PAK5: variants seen among roughly 807,000 people sequenced by gnomAD.
PAK5 encodes p21 (RAC1) activated kinase 5.
Under a neutral mutation model 65.9 loss-of-function variants are expected in PAK5, and 16 were observed. That is an observed-to-expected ratio of 0.24 (90% CI 0.16 to 0.37). The LOEUF is 0.37. PAK5 is among the 10% of genes least tolerant of loss of function. The pLI is 1.00. For synonymous variants in PAK5, 371 were observed against 354.9 expected, an observed-to-expected ratio of 1.05 and a Z score of -0.51; for missense variants, 785 against 903.9, an observed-to-expected ratio of 0.87 and a Z score of 1.69.
At chr20:9,767,566 T>A (rs1247900117) in intron 1 of PAK5, among the ~76,000 whole-genome samples, 1 of 152,214 alleles carries the variant, frequency 6.6e-6, no homozygotes, top group African/African-American at 2.4e-5. Context: ...GCCTCTCTAG[T>A]ATCTAAAACT....
chr20:9,538,733 T>G lies in PAK5; in HGVS notation c.*729A>C. ...TGGCTCAAATTTTATTTCATTATTT[T>G]TGGTTGGATTAATGAAACGTGCACA... On this transcript the variant is annotated 3_prime_UTR_variant, in exon 10 of 10. Transcript: ENST00000353224. 1 of 233,466 alleles carries G rather than the reference T, an allele frequency of 4.3e-6. No individual in the cohort carries two copies. Among genetic ancestry groups the G allele is most frequent in the Non-Finnish European group, 8.5e-6 (1 of 117,936 alleles). 14.5% of individuals were successfully genotyped at this position (233,466 alleles called of 1,614,324 possible).
chr20:9,592,701 C>G (rs1035924260), intron 3 of PAK5, among the ~76,000 whole-genome samples: 3 of 152,138 alleles, frequency 2.0e-5, no homozygotes, highest in Non-Finnish European at 2.9e-5. Context: ...TGGGTGTTTG[C>G]CAGGCAGCTG....
At chr20:9,817,364 T>G (rs2049369162) in intron 1 of PAK5, among the ~76,000 whole-genome samples, 4 of 152,174 alleles carry the variant, frequency 2.6e-5, no homozygotes, top group Admixed American at 2.6e-4. Context: ...TGAGCACTAC[T>G]AAGTGCCTAC....
intron 4 of PAK5, among the ~76,000 whole-genome samples, chr20:9,573,913 C>A (rs538516162): frequency 3.0e-4 from 46 of 152,172 alleles, no homozygotes; most frequent in Non-Finnish European, 6.2e-4. Context: ...ACAAAGACTG[C>A]TCATCTCGAA....
intron 1 of PAK5, among the ~76,000 whole-genome samples, chr20:9,743,590 C>T (rs2048474698): frequency 6.6e-6 from 1 of 152,054 alleles, no homozygotes; most frequent in South Asian, 2.1e-4. Flanking sequence ...GGTGCAAGGC[C>T]CCTTCAGAAA....
intron 3 of PAK5, among the ~76,000 whole-genome samples, chr20:9,618,915 G>GC (rs2046715177): frequency 1.1e-4 from 2 of 18,816 alleles, no homozygotes; most frequent in East Asian, 2.3e-3. Context: ...TCTTTCTTTC[G>GC]TTTTTTTTTT....
intron 6 of PAK5, among the ~76,000 whole-genome samples, chr20:9,559,772 A>AG (rs1376747381): frequency 1.3e-5 from 2 of 152,182 alleles, no homozygotes; most frequent in Middle Eastern, 3.4e-3. Flanking sequence ...AAAAAAAAAA[A>AG]GAAAGCAAAA....
At chr20:9,592,475 T>C in intron 3 of PAK5, among the ~76,000 whole-genome samples, 1 of 152,364 alleles carries the variant, frequency 6.6e-6, no homozygotes, top group East Asian at 1.9e-4. Context: ...AAATGTTGTA[T>C]ATCTTGATCT....
rs560102365 is a variant in PAK5, at chr20:9,612,013, C to T, written c.205-31083G>A. On this transcript the variant is annotated intron_variant, in intron 3 of 9. Transcript: ENST00000353224. ...GGGAGCCGTCCTGAAAAACTCTGTT[C>T]TCCTCTTTGCAGGCAAAACAATGTC... is the stretch of plus-strand genomic sequence containing the variant. Among the ~76,000 whole-genome samples the T allele has an allele frequency of 3.3e-5, 5 of 152,288 alleles. No individual in the cohort carries two copies. The East Asian group carries it at 7.7e-4, about 23-fold the overall frequency.
intron 1 of PAK5, among the ~76,000 whole-genome samples, chr20:9,742,160 G>T (rs1739318180): frequency 6.6e-6 from 1 of 151,950 alleles, no homozygotes; most frequent in Non-Finnish European, 1.5e-5. Flanking sequence ...TTCAAATAAG[G>T]ATCCTCCCCC....
At chr20:9,738,729 G>A (rs2048418715) in intron 1 of PAK5, among the ~76,000 whole-genome samples, 1 of 152,160 alleles carries the variant, frequency 6.6e-6, no homozygotes, top group East Asian at 1.9e-4. Context: ...GAGTGATGGA[G>A]ATGTTTGCTA....
intron 3 of PAK5, among the ~76,000 whole-genome samples, chr20:9,640,514 A>G (rs2047041617): frequency 6.6e-6 from 1 of 152,180 alleles, no homozygotes; most frequent in Non-Finnish European, 1.5e-5. Context: ...TAGTGCCGCA[A>G]TAAACATACG....
chr20:9,720,121 CAG>C (rs2048197179), intron 1 of PAK5, among the ~76,000 whole-genome samples: 1 of 152,036 alleles, frequency 6.6e-6, no homozygotes, highest in Non-Finnish European at 1.5e-5. Flanking sequence ...GAGAGTTAGA[CAG>C]AGATAAATGT....
chr20:9,553,911 T>C (rs1345836541), intron 7 of PAK5, among the ~76,000 whole-genome samples: 2 of 152,134 alleles, frequency 1.3e-5, no homozygotes, highest in Non-Finnish European at 2.9e-5. Context: ...TTTTTAATTT[T>C]GAAAAAGAAC....
At chr20:9,800,520 G>T (rs2049157382) in intron 1 of PAK5, among the ~76,000 whole-genome samples, 1 of 152,008 alleles carries the variant, frequency 6.6e-6, no homozygotes, top group Non-Finnish European at 1.5e-5. Context: ...CTTACAGCAG[G>T]ACAAGTTTTG....
chr20:9,575,633 G>A (rs984423071), intron 4 of PAK5: 6 of 152,178 alleles, frequency 3.9e-5, no homozygotes, highest in African/African-American at 4.8e-5. Flanking sequence ...TGACATTAAG[G>A]AACTTCTCAA....
At chr20:9,766,008 G>C (rs1294587228) in intron 1 of PAK5, among the ~76,000 whole-genome samples, 1 of 152,028 alleles carries the variant, frequency 6.6e-6, no homozygotes, top group Non-Finnish European at 1.5e-5. Flanking sequence ...CAGATCACGA[G>C]GTCAAGAGAT....
Position 9,566,349 on chromosome 20 carries a change from A to T in PAK5, c.1026T>A (p.Pro342=), listed in dbSNP as rs932950632. ...GGTAGGTGTCAGACCCTGACAGTGGAGGGCTGAGGACCATCTGTGCTCGAT... is the reference window on the plus strand; with the variant it reads ...GGTAGGTGTCAGACCCTGACAGTGGTGGGCTGAGGACCATCTGTGCTCGAT... ...DYDRAQMVLS[P]PLSGSDTYPR... is the part of the protein sequence containing the mutation. Residue 342 remains proline (P), a synonymous_variant, in exon 5 of 10, where the codon CCT becomes CCA. Transcript: ENST00000353224. 2 of 1,613,226 alleles carry T rather than the reference A, an allele frequency of 1.2e-6. No homozygotes were observed. The highest frequency in any genetic ancestry group is 1.7e-5 in the Admixed American group (1 of 60,010).
At chr20:9,749,212 T>A (rs2048545945) in intron 1 of PAK5, among the ~76,000 whole-genome samples, 1 of 152,166 alleles carries the variant, frequency 6.6e-6, no homozygotes, top group Admixed American at 6.6e-5. Flanking sequence ...AGTTCTCACT[T>A]GGCAGTAATT....
Sources: allele counts gnomAD v4.1 joint callset (sites outside exome capture counted in the v4.1 genomes callset), GRCh38; gene constraint gnomAD v4.1.1; transcripts MANE v1.5; gene names NCBI Gene and HGNC (gene_info 2026-07-23, HGNC 2026-07-21).